The following LGR4 variants were observed in gnomAD, a reference collection of about 807,000 sequenced individuals.
LGR4 encodes the protein leucine rich repeat containing G protein-coupled receptor 4.
LGR4 carries 44 observed loss-of-function variants against 84.8 expected under a neutral mutation model. That is an observed-to-expected ratio of 0.52 (90% CI 0.41 to 0.67). The LOEUF is 0.67. Among genes scored for constraint, LGR4 ranks in the 30% least tolerant of loss-of-function variants. The pLI is 0.00. For synonymous variants in LGR4, 429 were observed against 434.3 expected, an observed-to-expected ratio of 0.99 and a Z score of 0.15; for missense variants, 1,032 against 1,131.4, an observed-to-expected ratio of 0.91 and a Z score of 1.26.
At position 27,472,788 on chromosome 11, in the gene LGR4, T is replaced by C; in HGVS notation, c.-486A>G. On this transcript the variant is annotated 5_prime_UTR_variant, in exon 1 of 18. Coordinates refer to ENST00000379214, the MANE Select transcript of LGR4 (RefSeq NM_018490.5). ...CCTTTTCCCTTCTAGGGTTGCACGC[T>C]CTGGTTCCCAAACCCCCGGCCGCTG... is the stretch of plus-strand genomic sequence containing the variant. The C allele has an allele frequency of 3.1e-6, 1 of 324,072 alleles. No individual in the cohort carries two copies. The highest frequency in any genetic ancestry group is 5.6e-6 in the Non-Finnish European group (1 of 178,840). The allele number at this position is 324,072 out of a possible 1,614,324, so 20.1% of individuals were successfully genotyped here.
chr11:27,380,852 T>G (rs1209202350), intron 8 of LGR4, 43 bp downstream of exon 8: 6 of 1,291,002 alleles, frequency 4.6e-6, no homozygotes, highest in African/African-American at 2.9e-5. Flanking sequence ...CGGACACAGC[T>G]TCACATAATT....
intron 2 of LGR4, among the ~76,000 whole-genome samples, chr11:27,410,502 G>A (rs1863689100): frequency 6.6e-6 from 1 of 152,010 alleles, no homozygotes; most frequent in Admixed American, 6.6e-5. Context: ...ATGACTTCCA[G>A]ATGACTCCTA....
chr11:27,440,932 A>G (rs967678740), intron 1 of LGR4, among the ~76,000 whole-genome samples: 1 of 152,208 alleles, frequency 6.6e-6, no homozygotes, highest in Admixed American at 6.5e-5. Flanking sequence ...TCGAATACAC[A>G]TTATAGTGGC....
chr11:27,382,619 C>T (rs949487855), intron 6 of LGR4, among the ~76,000 whole-genome samples: 7 of 152,096 alleles, frequency 4.6e-5, no homozygotes, highest in East Asian at 1.9e-4. Context: ...TAAATGACAG[C>T]GTGAAACTGA....
chr11:27,447,388 A>G (rs1451482706), intron 1 of LGR4, among the ~76,000 whole-genome samples: 2 of 152,074 alleles, frequency 1.3e-5, no homozygotes, highest in Non-Finnish European at 2.9e-5. Flanking sequence ...GCTAATTATA[A>G]TATATTAGCT....
chr11:27,472,083 T>G, intron 1 of LGR4, 35 bp downstream of exon 1: 32 of 1,003,962 alleles, frequency 3.2e-5, no homozygotes, highest in African/African-American at 9.0e-5. Flanking sequence ...CCCCGTTTCC[T>G]CCCCCCCCCT....
At chr11:27,377,890 A>T (rs188929787) in intron 11 of LGR4, among the ~76,000 whole-genome samples, 3 of 152,280 alleles carry the variant, frequency 2.0e-5, no homozygotes, top group Admixed American at 2.0e-4. Flanking sequence ...CCATAAGAGT[A>T]TAATACCATA....
chr11:27,371,788 T>A, intron 16 of LGR4, 90 bp from the exon 17 acceptor site: 1 of 833,310 alleles, frequency 1.2e-6, no homozygotes, highest in Non-Finnish European at 2.0e-6. Flanking sequence ...TATATAAGTG[T>A]GAGTTCTCCT....
chr11:27,443,636 A>G (rs943848540), intron 1 of LGR4, among the ~76,000 whole-genome samples: 3 of 152,230 alleles, frequency 2.0e-5, no homozygotes, highest in Admixed American at 1.3e-4. Flanking sequence ...ATACATATAC[A>G]TTGTTTTTTA....
chr11:27,419,000 A>G (rs1269282461), intron 1 of LGR4, among the ~76,000 whole-genome samples: 1 of 151,962 alleles, frequency 6.6e-6, no homozygotes, highest in Non-Finnish European at 1.5e-5. Flanking sequence ...TTACTTGGCT[A>G]ATTATTTTAT....
At chr11:27,460,562 T>A (rs1864662162) in intron 1 of LGR4, among the ~76,000 whole-genome samples, 2 of 152,334 alleles carry the variant, frequency 1.3e-5, no homozygotes, top group South Asian at 2.1e-4. Flanking sequence ...CAAACTGATA[T>A]TAGAAATTGA....
At chr11:27,386,964 T>G (rs1178555795) in intron 4 of LGR4, among the ~76,000 whole-genome samples, 1 of 152,168 alleles carries the variant, frequency 6.6e-6, no homozygotes, top group East Asian at 1.9e-4. Context: ...GGCAAAGTAC[T>G]GCCTACAGAG....
At chr11:27,429,405 C>T (rs1023038441) in intron 1 of LGR4, among the ~76,000 whole-genome samples, 1 of 151,848 alleles carries the variant, frequency 6.6e-6, no homozygotes, top group Non-Finnish European at 1.5e-5. Context: ...GAATCACGAA[C>T]CCTGGAGGCG....
chr11:27,472,038 AC>A, intron 1 of LGR4, 79 bp downstream of exon 1: 2 of 1,039,884 alleles, frequency 1.9e-6, no homozygotes, highest in Non-Finnish European at 2.5e-6. Flanking sequence ...GGTGGGACTG[AC>A]CCCTGGCTCC....
Position 27,380,908 on chromosome 11 carries a change from G to A in LGR4, c.817C>T (p.Leu273Phe). ...IPDGAFDGNPLLRTIHLYDNP... is the reference protein window; with the variant it reads ...IPDGAFDGNPFLRTIHLYDNP... ...AAAAATACTTACATAGTTCTTAAGA[G>A]TGGATTACCATCAAATGCTCCATCA... The change falls in exon 8 of 18, where the codon CTC becomes TTC. Residue 273 changes from leucine (L) to phenylalanine (F), a missense_variant. Transcript: ENST00000379214. 6.5e-7 allele frequency: 1 copy of A among 1,544,570 alleles called. No individual in the cohort carries two copies. Among genetic ancestry groups the A allele is most frequent in the Non-Finnish European group, 9.0e-7 (1 of 1,117,314 alleles).
At chr11:27,376,608 G>A (rs1376749671) in intron 12 of LGR4, among the ~76,000 whole-genome samples, 2 of 152,044 alleles carry the variant, frequency 1.3e-5, no homozygotes, top group Non-Finnish European at 2.9e-5. Flanking sequence ...AGACTAATTG[G>A]TATTTCATCC....
At chr11:27,374,555 C>T (rs947434559) in intron 13 of LGR4, among the ~76,000 whole-genome samples, 1 of 152,164 alleles carries the variant, frequency 6.6e-6, no homozygotes, top group African/African-American at 2.4e-5. Flanking sequence ...ATCAACAGTA[C>T]AGCCAGCTCC....
intron 1 of LGR4, among the ~76,000 whole-genome samples, chr11:27,435,045 A>G (rs1227658757): frequency 1.3e-5 from 2 of 152,142 alleles, no homozygotes; most frequent in African/African-American, 4.8e-5. Flanking sequence ...CTACTTATAG[A>G]TAAAACTTGG....
At chr11:27,390,993 A>G in intron 4 of LGR4, 101 bp downstream of exon 4, 1 of 704,412 alleles carries the variant, frequency 1.4e-6, no homozygotes. Context: ...TTTATCTCAG[A>G]TGAAAGGATA....
Sources: gnomAD v4.1 joint callset for allele counts (sites outside exome capture counted in the v4.1 genomes callset) on GRCh38, gnomAD v4.1.1 for gene constraint, MANE v1.5 for transcripts, NCBI Gene and HGNC (gene_info 2026-07-23, HGNC 2026-07-21) for gene names.